The following CDK12 variants were observed in gnomAD, a reference collection of about 807,000 sequenced individuals.
CDK12 encodes the protein cyclin-dependent kinase 12.
In CDK12, 17 loss-of-function variants were observed where a neutral mutation model predicts 133.8. The ratio of observed to expected loss-of-function variants is 0.13; its 90% CI spans 0.09 to 0.19. CDK12 has a LOEUF of 0.19. Among genes scored for constraint, CDK12 ranks in the 10% least tolerant of loss-of-function variants. The probability of loss-of-function intolerance (pLI) is 1.00; values close to 1 mark genes in which losing one functional copy is unlikely to be tolerated. For synonymous variants in CDK12, 694 were observed against 683.6 expected (o/e 1.02, Z -0.24); for missense variants, 1,508 against 1,818.7 (o/e 0.83, Z 3.11).
At chr17:39,486,971 G>A (rs1220154295) in intron 2 of CDK12, among the ~76,000 whole-genome samples, 1 of 152,074 alleles carries the variant, frequency 6.6e-6, no homozygotes, top group South Asian at 2.1e-4. Context: ...TTGCACCACT[G>A]TACTCCAACC....
At chr17:39,541,945 A>T (rs556329625) in intron 1 of CDK12, among the ~76,000 whole-genome samples, 1 of 152,212 alleles carries the variant, frequency 6.6e-6, no homozygotes, top group Non-Finnish European at 1.5e-5. Flanking sequence ...GCAGTCGCAC[A>T]GCGAGTTAAT....
In CDK12 at chr17:39,462,608, C is replaced by T. The variant is rs151330887; in HGVS notation, c.537C>T (p.Leu179=). The T allele has an allele frequency of 1.2e-6, 2 of 1,613,924 alleles. No individual in the cohort carries two copies. The highest frequency in any genetic ancestry group is 1.3e-5 in the African/African-American group (1 of 74,884). ...GCAAGGAATCCAGGTCATCCAAGCT[C>T]CACAAGGAGAAGACCAGGAAAGAAC... The part of the protein sequence containing the change: ...SSSKESRSSK[L]HKEKTRKERE... The change falls in exon 1 of 14, where the codon CTC becomes CTT. Residue 179 remains leucine, a synonymous_variant. Transcript: ENST00000447079.
Position 39,520,028 on chromosome 17 carries a change from A to G in CDK12, c.3036A>G (p.Glu1012=), listed in dbSNP as rs1190755538. ...TLDPSKRCTA[E]QTLQSDFLKD... is the part of the protein sequence containing the mutation. ...ATCCTAGTAAGCGGTGCACAGCTGAACAGACCCTACAGAGCGACTTCCTTA... is the reference window on the plus strand; with the variant it reads ...ATCCTAGTAAGCGGTGCACAGCTGAGCAGACCCTACAGAGCGACTTCCTTA... The change falls in exon 11 of 14, where the codon GAA becomes GAG. Residue 1012 remains glutamate, a synonymous_variant. Coordinates refer to ENST00000447079, the MANE Select transcript of CDK12 (RefSeq NM_016507.4). 1 of 1,614,102 alleles carries G rather than the reference A, an allele frequency of 6.2e-7. No individual in the cohort carries two copies. The highest frequency in any genetic ancestry group is 1.7e-5 in the Admixed American group (1 of 60,008).
intron 7 of CDK12, among the ~76,000 whole-genome samples, chr17:39,510,814 T>C (rs2053453958): frequency 6.6e-6 from 1 of 151,378 alleles, no homozygotes; most frequent in African/African-American, 2.4e-5. Context: ...GGTTTCTCCA[T>C]GTTGGTCACG....
chr17:39,504,950 G>C (rs1567749135), intron 6 of CDK12, among the ~76,000 whole-genome samples: 1 of 151,332 alleles, frequency 6.6e-6, no homozygotes, highest in Non-Finnish European at 1.5e-5. Flanking sequence ...AGATTTGGGG[G>C]CCAGGCGCAG....
chr17:39,491,014 T>TA (rs201507247), intron 3 of CDK12, among the ~76,000 whole-genome samples: 2,287 of 152,256 alleles, frequency 0.015, 56 homozygotes, highest in African/African-American at 0.052. Context: ...TCATAATATT[T>TA]AGAGTACTAA....
At chr17:39,537,840 A>G (rs1422571625), downstream of CDK12, among the ~76,000 whole-genome samples, 9 of 152,170 alleles carry the variant, frequency 5.9e-5, 1 homozygote, top group South Asian at 8.3e-4. Context: ...CGGCCTCCCA[A>G]AGTGAGCCAC....
intron 11 of CDK12, among the ~76,000 whole-genome samples, chr17:39,520,748 C>A (rs929376361): frequency 1.3e-5 from 2 of 151,668 alleles, no homozygotes; most frequent in African/African-American, 4.9e-5. Flanking sequence ...GCCTCCTCCA[C>A]CTCCCGGGTT....
intron 5 of CDK12, among the ~76,000 whole-genome samples, chr17:39,499,213 T>TC (rs1273572244): frequency 1.9e-5 from 2 of 103,834 alleles, no homozygotes; most frequent in East Asian, 2.5e-4. Context: ...CTTTCCTTTT[T>TC]TTTTTTTTTT....
intron 1 of CDK12, among the ~76,000 whole-genome samples, chr17:39,469,636 CT>C (rs1232951407): frequency 1.1e-3 from 148 of 132,778 alleles, no homozygotes; most frequent in Middle Eastern, 7.6e-3. Context: ...AGTATGACTT[CT>C]TTTTTTTTTT....
rs1433610600 is a variant in CDK12, at chr17:39,532,651, C to T, written c.*1335C>T. On this transcript the variant is annotated 3_prime_UTR_variant, in exon 14 of 14. Transcript: ENST00000447079. Reference sequence around the variant, plus strand: ...GTGAGGAAGAACAGTATTGACATACCCACATCCCAGCATGTGTACCCTGCC... The same window carrying T: ...GTGAGGAAGAACAGTATTGACATACTCACATCCCAGCATGTGTACCCTGCC... 1 of 232,344 alleles carries T rather than the reference C, an allele frequency of 4.3e-6. No homozygotes were observed. Among genetic ancestry groups the T allele is most frequent in the Non-Finnish European group, 8.5e-6 (1 of 117,594 alleles). The allele number at this position is 232,344 out of a possible 1,614,324, so 14.4% of individuals were successfully genotyped here.
intron 4 of CDK12, among the ~76,000 whole-genome samples, chr17:39,493,844 A>C (rs1021701077): frequency 6.6e-6 from 1 of 151,768 alleles, no homozygotes; most frequent in African/African-American, 2.4e-5. Flanking sequence ...AAAATAGAAA[A>C]AATTAGCCAG....
At chr17:39,536,068 T>C (rs2055120876), downstream of CDK12, among the ~76,000 whole-genome samples, 1 of 152,128 alleles carries the variant, frequency 6.6e-6, no homozygotes, top group African/African-American at 2.4e-5. Flanking sequence ...TTAGGAATTC[T>C]CTCAAGTAGG....
chr17:39,476,711 C>CATTTT (rs1555553398), intron 2 of CDK12, among the ~76,000 whole-genome samples: 932 of 84,510 alleles, frequency 0.011, 166 homozygotes, highest in African/African-American at 0.041. Context: ...CCATGCCTGC[C>CATTTT]TTTTTTTTTT....
rs1173838134 is a variant in CDK12, at chr17:39,532,703, A to G, written c.*1387A>G. 1 of 232,602 alleles carries G rather than the reference A, an allele frequency of 4.3e-6. No homozygotes were observed. Among genetic ancestry groups the G allele is most frequent in the Non-Finnish European group, 8.5e-6 (1 of 117,684 alleles). 14.4% of individuals were successfully genotyped at this position (232,602 alleles called of 1,614,324 possible). On this transcript the variant is annotated 3_prime_UTR_variant, in exon 14 of 14. Transcript: ENST00000447079. ...GTTCTTTTAGGGATTTTTCCTCCAA[A>G]GAGATTTGGATTTGGTTTTGGTAAA...
chr17:39,531,457 C>T lies in CDK12; in HGVS notation c.*141C>T, dbSNP rs1245260121. The T allele has an allele frequency of 2.5e-6, 2 of 787,850 alleles. No homozygotes were observed. Among genetic ancestry groups the T allele is most frequent in the Non-Finnish European group, 3.6e-6 (2 of 559,092 alleles). The allele number at this position is 787,850 out of a possible 1,614,324, so 48.8% of individuals were successfully genotyped here. On this transcript the variant is annotated 3_prime_UTR_variant, in exon 14 of 14. Transcript: ENST00000447079. ...GCAAAGCTGTCCGTTGTATTCCTTGCTCACTTGCTACTAGCAGGCGACTTA... is the reference window on the plus strand; with the variant it reads ...GCAAAGCTGTCCGTTGTATTCCTTGTTCACTTGCTACTAGCAGGCGACTTA...
At chr17:39,527,467 G>A (rs1348896608) in intron 13 of CDK12, among the ~76,000 whole-genome samples, 1 of 152,202 alleles carries the variant, frequency 6.6e-6, no homozygotes, top group Non-Finnish European at 1.5e-5. Context: ...CCTATTAATT[G>A]GGCTGCTGTT....
intron 4 of CDK12, 114 bp downstream of exon 4, chr17:39,493,004 T>G: frequency 1.0e-6 from 1 of 980,658 alleles, no homozygotes; most frequent in South Asian, 1.7e-5. Flanking sequence ...TTTGTTTGTT[T>G]GTTTGTTTTT....
At chr17:39,475,799 C>A (rs907152539) in intron 2 of CDK12, among the ~76,000 whole-genome samples, 4 of 151,878 alleles carry the variant, frequency 2.6e-5, no homozygotes, top group African/African-American at 9.7e-5. Flanking sequence ...CCCACCTAGG[C>A]CTCCCAAAAT....
Sources: allele counts gnomAD v4.1 joint callset (sites outside exome capture counted in the v4.1 genomes callset), GRCh38; gene constraint gnomAD v4.1.1; transcripts MANE v1.5; gene names NCBI Gene and HGNC (gene_info 2026-07-23, HGNC 2026-07-21).